The following RBMS3 variants were observed in gnomAD, a reference collection of about 807,000 sequenced individuals.
The protein encoded by RBMS3 is RNA-binding motif, single-stranded-interacting protein 3.
In RBMS3, 27 loss-of-function variants were observed where a neutral mutation model predicts 66.8. The observed-to-expected ratio is 0.40, with a 90% CI of 0.30 to 0.56. The LOEUF is 0.56. Ranked by LOEUF, RBMS3 falls within the 20% of genes least tolerant of loss-of-function variation. The pLI, the probability that RBMS3 is intolerant of heterozygous loss-of-function variation, is 0.40. For missense variants in RBMS3, 513 were observed against 549.5 expected (o/e 0.93, Z 0.66); for synonymous variants, 188 against 183.0 (o/e 1.03, Z -0.22).
rs1005846779 is a variant in RBMS3 at position 29,884,269 on chromosome 3, A to T, written c.791+61A>T. The T allele has an allele frequency of 2.3e-5, 33 of 1,448,354 alleles. No homozygotes were observed. In the Middle Eastern group the frequency reaches 7.1e-4, roughly 31 times the overall value. The allele number at this position is 1,448,354 out of a possible 1,614,324, so 89.7% of individuals were successfully genotyped here. On this transcript the variant is annotated intron_variant, in intron 8 of 14. Transcript: ENST00000383767. ...ATAGATCTTTGAGCTCTGAATCAACATCAAAGAAAAATGTTAAAATTTGTT... is the reference window on the plus strand; with the variant it reads ...ATAGATCTTTGAGCTCTGAATCAACTTCAAAGAAAAATGTTAAAATTTGTT...
At chr3:29,357,745 T>A (rs143462622) in intron 1 of RBMS3, among the ~76,000 whole-genome samples, 1 of 151,958 alleles carries the variant, frequency 6.6e-6, no homozygotes, top group South Asian at 2.1e-4. Flanking sequence ...ACCATTCTAA[T>A]TGATGTGAGA....
At chr3:29,923,009 G>A (rs1432618236) in intron 10 of RBMS3, among the ~76,000 whole-genome samples, 2 of 152,186 alleles carry the variant, frequency 1.3e-5, no homozygotes, top group African/African-American at 4.8e-5. Context: ...CCTGAATCAT[G>A]CCCACAGATG....
At chr3:29,373,154 T>G (rs4508736) in intron 1 of RBMS3, among the ~76,000 whole-genome samples, 141,286 of 152,204 alleles carry the variant, frequency 0.93, 65,701 homozygotes, top group East Asian at 1. Context: ...CACATGCATG[T>G]GGTGGTGATG....
chr3:29,624,106 C>A (rs182046758), intron 4 of RBMS3, among the ~76,000 whole-genome samples: 1 of 152,312 alleles, frequency 6.6e-6, no homozygotes, highest in African/African-American at 2.4e-5. Flanking sequence ...AGACTTCCAA[C>A]GTATACCTCA....
chr3:29,312,102 G>C (rs2034413929), intron 1 of RBMS3, among the ~76,000 whole-genome samples: 1 of 151,722 alleles, frequency 6.6e-6, no homozygotes, highest in East Asian at 1.9e-4. Context: ...ATTTGAGAAG[G>C]TCTGAAGGCA....
chr3:29,667,272 T>A (rs1050063036), intron 4 of RBMS3, among the ~76,000 whole-genome samples: 7 of 152,214 alleles, frequency 4.6e-5, no homozygotes, highest in Admixed American at 1.3e-4. Flanking sequence ...TCCATTTTTC[T>A]TGTGTAAAGA....
chr3:29,787,657 A>C (rs1416980486), intron 6 of RBMS3, among the ~76,000 whole-genome samples: 2 of 152,184 alleles, frequency 1.3e-5, no homozygotes. Context: ...AGGCATAAGA[A>C]TTATACATTG....
At position 29,441,217 on chromosome 3, in the gene RBMS3, C is replaced by T. The variant is rs372837090; in HGVS notation, c.248+6302C>T. On this transcript the variant is annotated intron_variant, in intron 2 of 14. Transcript: ENST00000383767. ...GAGAGTGCTTTAAAGACCCAAAACACGATGTTGGAATTCCTTGATTCAGCA... is the reference window on the plus strand; with the variant it reads ...GAGAGTGCTTTAAAGACCCAAAACATGATGTTGGAATTCCTTGATTCAGCA... Among the ~76,000 whole-genome samples the T allele has an allele frequency of 7.2e-5, 11 of 152,104 alleles. No homozygotes were observed. In the East Asian group the frequency reaches 1.9e-3, roughly 27 times the overall value.
intron 6 of RBMS3, among the ~76,000 whole-genome samples, chr3:29,791,126 G>C (rs923429762): frequency 2.0e-5 from 3 of 152,044 alleles, no homozygotes; most frequent in South Asian, 2.1e-4. Context: ...ATTTATTTTT[G>C]TTTTTGTTTT....
chr3:29,976,252 G>C (rs1341891087), intron 12 of RBMS3, among the ~76,000 whole-genome samples: 11 of 151,842 alleles, frequency 7.2e-5, no homozygotes, highest in Non-Finnish European at 1.6e-4. Flanking sequence ...GTGATATTCT[G>C]GGAGACTGAA....
At chr3:29,702,544 T>C (rs545943122) in intron 4 of RBMS3, among the ~76,000 whole-genome samples, 5 of 152,294 alleles carry the variant, frequency 3.3e-5, no homozygotes, top group African/African-American at 1.2e-4. Context: ...TCACTGCTGC[T>C]CACTTTTTGA....
chr3:29,947,063 G>C (rs1448531100), intron 12 of RBMS3, among the ~76,000 whole-genome samples: 1 of 151,558 alleles, frequency 6.6e-6, no homozygotes, highest in Non-Finnish European at 1.5e-5. Flanking sequence ...TGGTGGATGA[G>C]AGATAGAAAA....
chr3:29,717,395 A>G (rs112011215), intron 4 of RBMS3, among the ~76,000 whole-genome samples: 25 of 152,130 alleles, frequency 1.6e-4, no homozygotes, highest in African/African-American at 5.3e-4. Flanking sequence ...AAATTGTATT[A>G]ATCTTATGCA....
At chr3:29,591,066 T>A (rs1290682268) in intron 4 of RBMS3, among the ~76,000 whole-genome samples, 3 of 152,180 alleles carry the variant, frequency 2.0e-5, no homozygotes, top group Non-Finnish European at 4.4e-5. Flanking sequence ...TCATATGATT[T>A]CCCGCTTTCT....
chr3:29,823,425 G>A (rs535507105), intron 6 of RBMS3, among the ~76,000 whole-genome samples: 3 of 152,254 alleles, frequency 2.0e-5, no homozygotes, highest in African/African-American at 7.2e-5. Context: ...TCTCATAGCT[G>A]TGTAGTATCA....
intron 4 of RBMS3, among the ~76,000 whole-genome samples, chr3:29,724,930 A>T (rs556546096): frequency 3.3e-5 from 5 of 152,340 alleles, no homozygotes; most frequent in African/African-American, 9.6e-5. Flanking sequence ...GTCCTATTAC[A>T]TCTTTGTCCT....
At chr3:29,424,628 AG>A (rs978821165) in intron 1 of RBMS3, among the ~76,000 whole-genome samples, 20 of 152,336 alleles carry the variant, frequency 1.3e-4, no homozygotes, top group African/African-American at 4.8e-4. Flanking sequence ...ATTCACTTTC[AG>A]AAAAGCAAAG....
chr3:29,335,132 T>G (rs1026717693), intron 1 of RBMS3, among the ~76,000 whole-genome samples: 3 of 152,164 alleles, frequency 2.0e-5, no homozygotes, highest in Admixed American at 6.6e-5. Context: ...TTTTAATGGT[T>G]AACTGCTACA....
intron 1 of RBMS3, among the ~76,000 whole-genome samples, chr3:29,342,288 A>G (rs2036322183): frequency 6.6e-6 from 1 of 152,130 alleles, no homozygotes; most frequent in Admixed American, 6.6e-5. Context: ...TCACAGATGT[A>G]TGGAAGAGCT....
Sources: gnomAD v4.1 joint callset for allele counts (sites outside exome capture counted in the v4.1 genomes callset) on GRCh38, gnomAD v4.1.1 for gene constraint, MANE v1.5 for transcripts, NCBI Gene and HGNC (gene_info 2026-07-23, HGNC 2026-07-21) for gene names.